Variants in TEAD1 observed in about 807,000 individuals in gnomAD.
TEAD1 encodes the protein TEA domain transcription factor 1, also known as transcriptional enhancer factor TEF-1.
A neutral mutation model predicts 54.9 loss-of-function variants in TEAD1; 9 were observed. The ratio of observed to expected loss-of-function variants is 0.16; its 90% CI spans 0.10 to 0.29. TEAD1 has a LOEUF of 0.29. Ranked by LOEUF, TEAD1 falls within the 10% of genes least tolerant of loss-of-function variation. TEAD1 has a pLI of 1.00. For synonymous variants in TEAD1, 200 were observed against 187.8 expected, an observed-to-expected ratio of 1.07 and a Z score of -0.53; for missense variants, 387 against 535.9, an observed-to-expected ratio of 0.72 and a Z score of 2.74.
intron 3 of TEAD1, among the ~76,000 whole-genome samples, chr11:12,793,120 G>GT (rs146383629): frequency 1.4e-3 from 207 of 146,524 alleles, no homozygotes; most frequent in East Asian, 2.8e-3. Context: ...CTATGAAGTG[G>GT]TTTTTTTTTT....
intron 2 of TEAD1, among the ~76,000 whole-genome samples, chr11:12,749,584 G>A (rs995918677): frequency 6.6e-6 from 1 of 152,164 alleles, no homozygotes; most frequent in Non-Finnish European, 1.5e-5. Context: ...AGGGCTCACA[G>A]CACCCTGGGC....
At chr11:12,719,970 TTTTTTTTTTTTTTTTTTTTTTTTTG>T (rs1564917629) in intron 2 of TEAD1, among the ~76,000 whole-genome samples, 1,896 of 63,772 alleles carry the variant, frequency 0.03, 239 homozygotes, top group African/African-American at 0.19. Flanking sequence ...TTTTTTTTTT[TTTTTTTTTTTTTTTTTTTTTTTTTG>T]GGGGGGGACC....
At chr11:12,679,269 A>G (rs1303375330) in intron 2 of TEAD1, among the ~76,000 whole-genome samples, 1 of 152,162 alleles carries the variant, frequency 6.6e-6, no homozygotes, top group African/African-American at 2.4e-5. Context: ...TTACTATCCT[A>G]ATGCAATGCT....
chr11:12,708,136 G>A (rs2133847766), intron 2 of TEAD1, among the ~76,000 whole-genome samples: 1 of 151,978 alleles, frequency 6.6e-6, no homozygotes, highest in South Asian at 2.1e-4. Context: ...TCACTCACAG[G>A]TGTCTCGGTG....
chr11:12,800,976 G>A (rs951919427), intron 3 of TEAD1, among the ~76,000 whole-genome samples: 1 of 152,228 alleles, frequency 6.6e-6, no homozygotes, highest in Non-Finnish European at 1.5e-5. Context: ...TCTGTTGAAT[G>A]CATGGATGGA....
At chr11:12,857,539 A>G (rs1261830270) in intron 3 of TEAD1, among the ~76,000 whole-genome samples, 1 of 150,844 alleles carries the variant, frequency 6.6e-6, no homozygotes, top group Non-Finnish European at 1.5e-5. Context: ...TTTTTGTAGC[A>G]TCAGGTTTAC....
Position 12,692,509 on chromosome 11 carries a change from G to A in TEAD1, c.-55+16948G>A, listed in dbSNP as rs938158909. Among the ~76,000 whole-genome samples the A allele has an allele frequency of 4.6e-5, 7 of 151,758 alleles. No individual in the cohort carries two copies. In the South Asian group the frequency reaches 1.0e-3, roughly 23 times the overall value. On this transcript the variant is annotated intron_variant, in intron 2 of 12. Coordinates refer to ENST00000527636, the MANE Select transcript of TEAD1 (RefSeq NM_021961.6). ...TTAATGCCCCTCACCCACCACCCCG[G>A]CTTTTTTTTCTTTTTAAAGCCGCAA...
intron 3 of TEAD1, among the ~76,000 whole-genome samples, chr11:12,822,124 C>T (rs547586343): frequency 6.6e-5 from 10 of 151,892 alleles, no homozygotes; most frequent in Admixed American, 3.3e-4. Context: ...CCACCATGCC[C>T]GGCTAATTTT....
intron 2 of TEAD1, among the ~76,000 whole-genome samples, chr11:12,731,484 G>C (rs55693843): frequency 0.034 from 5,198 of 151,752 alleles, 319 homozygotes; most frequent in African/African-American, 0.12. Flanking sequence ...CCATATATTT[G>C]GGGATAATAT....
At chr11:12,785,324 G>T (rs1945655349) in intron 3 of TEAD1, among the ~76,000 whole-genome samples, 1 of 152,168 alleles carries the variant, frequency 6.6e-6, no homozygotes, top group South Asian at 2.1e-4. Context: ...CCTTTTCCCG[G>T]TTCCAGTTCT....
At chr11:12,912,746 T>G (rs557359759) in intron 10 of TEAD1, among the ~76,000 whole-genome samples, 53 of 152,020 alleles carry the variant, frequency 3.5e-4, no homozygotes, top group Non-Finnish European at 6.9e-4. Flanking sequence ...CACAGATACT[T>G]CTCTTTTTTT....
At chr11:12,802,013 C>T (rs1324968915) in intron 3 of TEAD1, among the ~76,000 whole-genome samples, 1 of 152,164 alleles carries the variant, frequency 6.6e-6, no homozygotes, top group African/African-American at 2.4e-5. Context: ...GAGACAGAGC[C>T]CTCACTAGAT....
At chr11:12,753,958 A>G (rs1478689534) in intron 2 of TEAD1, among the ~76,000 whole-genome samples, 1 of 152,162 alleles carries the variant, frequency 6.6e-6, no homozygotes, top group African/African-American at 2.4e-5. Flanking sequence ...ATGGCTATCA[A>G]TCAACCTGGC....
At chr11:12,868,793 G>A (rs1038582523) in intron 5 of TEAD1, among the ~76,000 whole-genome samples, 11 of 152,176 alleles carry the variant, frequency 7.2e-5, no homozygotes, top group Admixed American at 2.0e-4. Context: ...TTTTGTAGAC[G>A]TTGGGCACAT....
intron 9 of TEAD1, among the ~76,000 whole-genome samples, chr11:12,899,324 G>A (rs1948379166): frequency 6.6e-6 from 1 of 151,942 alleles, no homozygotes; most frequent in Non-Finnish European, 1.5e-5. Context: ...CTTTTGCCCT[G>A]TACTCCCCAT....
chr11:12,718,201 T>C (rs1182018876), intron 2 of TEAD1, among the ~76,000 whole-genome samples: 2 of 152,218 alleles, frequency 1.3e-5, no homozygotes, highest in African/African-American at 4.8e-5. Context: ...AGGCATTCTT[T>C]GTGAGTAGTG....
intron 2 of TEAD1, among the ~76,000 whole-genome samples, chr11:12,723,404 C>A (rs746895679): frequency 5.3e-5 from 8 of 152,148 alleles, no homozygotes; most frequent in Non-Finnish European, 1.0e-4. Context: ...TTTTCAGACT[C>A]TTGAATTTTA....
intron 12 of TEAD1, among the ~76,000 whole-genome samples, chr11:12,931,354 C>G (rs1243469578): frequency 6.6e-6 from 1 of 152,118 alleles, no homozygotes; most frequent in Non-Finnish European, 1.5e-5. Flanking sequence ...AGTAACATTA[C>G]TTGATTAAAG....
At chr11:12,683,631 G>A (rs1426585901) in intron 2 of TEAD1, among the ~76,000 whole-genome samples, 1 of 152,092 alleles carries the variant, frequency 6.6e-6, no homozygotes, top group Non-Finnish European at 1.5e-5. Context: ...TTGGGAGTAG[G>A]TTGTTAGAAA....
Sources: allele counts gnomAD v4.1 joint callset (sites outside exome capture counted in the v4.1 genomes callset), GRCh38; gene constraint gnomAD v4.1.1; transcripts MANE v1.5; gene names NCBI Gene and HGNC (gene_info 2026-07-23, HGNC 2026-07-21).